The following EPHA3 variants were observed in gnomAD, a reference collection of about 807,000 sequenced individuals.
EPHA3 encodes ephrin type-A receptor 3.
A neutral mutation model predicts 107.1 loss-of-function variants in EPHA3; 42 were observed. The observed-to-expected ratio is 0.39, with a 90% CI of 0.31 to 0.51. The LOEUF is 0.51. EPHA3 is among the 20% of genes least tolerant of loss of function. The pLI, the probability that EPHA3 is intolerant of heterozygous loss-of-function variation, is 0.78. For missense variants in EPHA3, 1,183 were observed against 1,211.2 expected, an observed-to-expected ratio of 0.98 and a Z score of 0.35; for synonymous variants, 461 against 424.8, an observed-to-expected ratio of 1.09 and a Z score of -1.05.
At chr3:89,309,035 G>C (rs1706700359) in intron 3 of EPHA3, among the ~76,000 whole-genome samples, 1 of 152,116 alleles carries the variant, frequency 6.6e-6, no homozygotes, top group Non-Finnish European at 1.5e-5. Context: ...TGGTGTCTTA[G>C]AAGCCAGGAT....
rs1576400475 is a variant in EPHA3 at position 89,479,523 on chromosome 3, C to T, written c.*21C>T. ...TGTAAAGCACGGGACGGAAGTGCTT[C>T]TGGACGGAAGTGGTGGCTGTGGAAG... On this transcript the variant is annotated 3_prime_UTR_variant, in exon 17 of 17. Coordinates refer to ENST00000336596, the MANE Select transcript of EPHA3 (RefSeq NM_005233.6). 6.3e-7 allele frequency: 1 copy of T among 1,586,752 alleles called. No homozygotes were observed. Among genetic ancestry groups the T allele is most frequent in the East Asian group, 2.2e-5 (1 of 44,722 alleles).
intron 5 of EPHA3, among the ~76,000 whole-genome samples, chr3:89,380,846 G>T (rs1429874744): frequency 1.3e-5 from 2 of 149,754 alleles, no homozygotes; most frequent in Admixed American, 6.7e-5. Flanking sequence ...TTGGCTCACC[G>T]CAACCTCCGC....
intron 6 of EPHA3, among the ~76,000 whole-genome samples, chr3:89,397,294 T>C (rs1708868915): frequency 6.6e-6 from 1 of 152,162 alleles, no homozygotes; most frequent in Non-Finnish European, 1.5e-5. Flanking sequence ...TCCTCTACTG[T>C]GGTAAAGTCA....
At chr3:89,347,693 A>C (rs985354772) in intron 5 of EPHA3, among the ~76,000 whole-genome samples, 11 of 150,614 alleles carry the variant, frequency 7.3e-5, no homozygotes, top group African/African-American at 2.4e-4. Flanking sequence ...GTCTTGTGCC[A>C]GTTTTCAAAG....
At position 89,107,638 on chromosome 3, in the gene EPHA3, C is replaced by T. The variant is rs757009021; in HGVS notation, c.-111C>T. On this transcript the variant is annotated 5_prime_UTR_variant, in exon 1 of 17. Transcript: ENST00000336596. ...TTATCTCCAGTGTCAAACTTGACAT[C>T]AGCCTGCGAGCGGAGCATGGTAACT... The T allele has an allele frequency of 3.9e-6, 4 of 1,013,890 alleles. No individual in the cohort carries two copies. The highest frequency in any genetic ancestry group is 6.0e-6 in the Non-Finnish European group (4 of 663,610). The allele number at this position is 1,013,890 out of a possible 1,614,324, so 62.8% of individuals were successfully genotyped here.
intron 2 of EPHA3, among the ~76,000 whole-genome samples, chr3:89,172,867 A>G (rs1456030190): frequency 6.6e-6 from 1 of 152,216 alleles, no homozygotes; most frequent in East Asian, 1.9e-4. Context: ...AAAATACTAT[A>G]AAACAACATT....
chr3:89,433,785 A>G lies in EPHA3; in HGVS notation c.2346+2426A>G, dbSNP rs147459863. The stretch of plus-strand genomic sequence containing the variant: ...TGACTACAATTATATAGCTCTGAAC[A>G]TGATGAAATTGCCAAACATGGGATC... On this transcript the variant is annotated intron_variant, in intron 13 of 16. Transcript: ENST00000336596. Among the ~76,000 whole-genome samples, 3 of 152,320 alleles carry G rather than the reference A, an allele frequency of 2.0e-5. No individual in the cohort carries two copies. The East Asian group carries it at 5.8e-4, about 29-fold the overall frequency.
chr3:89,163,187 T>C (rs567298092), intron 2 of EPHA3, among the ~76,000 whole-genome samples: 62 of 152,284 alleles, frequency 4.1e-4, no homozygotes, highest in African/African-American at 1.4e-3. Flanking sequence ...TTCTATAATA[T>C]AGGGATGATG....
At chr3:89,446,482 A>G (rs1246365113) in intron 13 of EPHA3, among the ~76,000 whole-genome samples, 1 of 152,158 alleles carries the variant, frequency 6.6e-6, no homozygotes, top group Non-Finnish European at 1.5e-5. Flanking sequence ...GTGAAGAAAC[A>G]CTTAAAATGA....
chr3:89,210,651 T>C (rs1263704708), intron 3 of EPHA3, 131 bp downstream of exon 3: 1 of 893,502 alleles, frequency 1.1e-6, no homozygotes, highest in African/African-American at 1.7e-5. Flanking sequence ...CCATAGTCTA[T>C]TTATGGACTA....
chr3:89,157,863 G>GA (rs59841206), intron 2 of EPHA3, among the ~76,000 whole-genome samples: 28,900 of 138,996 alleles, frequency 0.21, 2,901 homozygotes, highest in Middle Eastern at 0.26. Context: ...TGAAGAAAAA[G>GA]AAAAAAAAAA....
In EPHA3 at chr3:89,388,986, G is replaced by A. The variant is rs192244865; in HGVS notation, c.1307-6851G>A. ...TAGAATCCAATGCAGTTGGTAAATG[G>A]CAAGGGTTTGAACTAATCCACGGCT... On this transcript the variant is annotated intron_variant, in intron 5 of 16. Coordinates refer to ENST00000336596, the MANE Select transcript of EPHA3 (RefSeq NM_005233.6). Among the ~76,000 whole-genome samples, 71 of 152,268 alleles carry A rather than the reference G, an allele frequency of 4.7e-4. 1 individual carries two copies. The highest frequency in any genetic ancestry group is 1.6e-3 in the African/African-American group (65 of 41,538).
At chr3:89,154,410 A>C (rs1223700391) in intron 2 of EPHA3, among the ~76,000 whole-genome samples, 2 of 151,846 alleles carry the variant, frequency 1.3e-5, no homozygotes, top group Non-Finnish European at 2.9e-5. Flanking sequence ...ATTTTTTTTC[A>C]GAAAAAGTTA....
chr3:89,219,710 GTT>G (rs1559606421), intron 3 of EPHA3, among the ~76,000 whole-genome samples: 3 of 25,926 alleles, frequency 1.2e-4, no homozygotes, highest in African/African-American at 3.9e-4. Context: ...TTTGTTTTTT[GTT>G]TTTTTTTTTT....
At chr3:89,419,553 A>G (rs1031988704) in intron 11 of EPHA3, among the ~76,000 whole-genome samples, 163 bp downstream of exon 11, 1 of 151,446 alleles carries the variant, frequency 6.6e-6, no homozygotes. Flanking sequence ...AGTAGAGCAG[A>G]CCTTTAAATA....
intron 2 of EPHA3, among the ~76,000 whole-genome samples, chr3:89,171,972 G>A (rs1359900244): frequency 6.6e-6 from 1 of 152,152 alleles, no homozygotes. Context: ...AGTGTTCTGT[G>A]AGATAGATTG....
At chr3:89,278,005 A>T (rs1004922569) in intron 3 of EPHA3, among the ~76,000 whole-genome samples, 2 of 151,824 alleles carry the variant, frequency 1.3e-5, no homozygotes, top group African/African-American at 4.8e-5. Flanking sequence ...AATGTATTTG[A>T]TTTTTTTTGA....
intron 3 of EPHA3, among the ~76,000 whole-genome samples, chr3:89,210,903 A>G (rs1405644239): frequency 1.3e-5 from 2 of 152,124 alleles, no homozygotes; most frequent in African/African-American, 2.4e-5. Flanking sequence ...ACAGAATTAG[A>G]TACTGTGGTG....
At chr3:89,334,479 A>G (rs1707353845) in intron 3 of EPHA3, among the ~76,000 whole-genome samples, 1 of 152,248 alleles carries the variant, frequency 6.6e-6, no homozygotes, top group African/African-American at 2.4e-5. Flanking sequence ...ACAGGGTATT[A>G]ACATTTTAAA....
Sources: allele counts gnomAD v4.1 joint callset (sites outside exome capture counted in the v4.1 genomes callset), GRCh38; gene constraint gnomAD v4.1.1; transcripts MANE v1.5; gene names NCBI Gene and HGNC (gene_info 2026-07-23, HGNC 2026-07-21).